SRGAP1: variants seen among roughly 807,000 people sequenced by gnomAD.
SRGAP1 encodes SLIT-ROBO Rho GTPase activating protein 1.
A neutral mutation model predicts 121.9 loss-of-function variants in SRGAP1; 43 were observed. The ratio of observed to expected loss-of-function variants is 0.35; its 90% confidence interval spans 0.28 to 0.46. The LOEUF (loss-of-function observed/expected upper bound fraction) is 0.46, where lower values mean the gene tolerates loss of function less well. SRGAP1 is among the 20% of genes least tolerant of loss of function. The probability of loss-of-function intolerance (pLI) is 1.00; values close to 1 mark genes in which losing one functional copy is unlikely to be tolerated. For synonymous variants in SRGAP1, 447 were observed against 485.4 expected (o/e 0.92, Z 1.04); for missense variants, 1,102 against 1,350.9 (o/e 0.82, Z 2.89).
At chr12:63,998,464 G>A (rs140437613) in intron 3 of SRGAP1, among the ~76,000 whole-genome samples, 1 of 152,230 alleles carries the variant, frequency 6.6e-6, no homozygotes, top group East Asian at 1.9e-4. Context: ...CATCACTGGA[G>A]CATCTTCTCT....
chr12:64,128,481 GA>G (rs2036735871), intron 21 of SRGAP1, among the ~76,000 whole-genome samples: 1 of 152,116 alleles, frequency 6.6e-6, no homozygotes, highest in Non-Finnish European at 1.5e-5. Flanking sequence ...TGAATAGCCA[GA>G]AAAACTTTGA....
intron 4 of SRGAP1, among the ~76,000 whole-genome samples, chr12:64,025,064 C>T (rs896904837): frequency 9.9e-5 from 15 of 151,248 alleles, no homozygotes; most frequent in African/African-American, 1.2e-4. Flanking sequence ...TTCACAGGAG[C>T]GGTTTAAAAA....
At chr12:63,952,506 CCTGT>C (rs1330126089) in intron 1 of SRGAP1, among the ~76,000 whole-genome samples, 2 of 151,804 alleles carry the variant, frequency 1.3e-5, no homozygotes, top group Non-Finnish European at 2.9e-5. Flanking sequence ...TAGAGTAAGA[CCTGT>C]CTCTTAAAAA....
chr12:64,158,132 G>C lies in SRGAP1; in HGVS notation c.*15460G>C, dbSNP rs1469587474. On this transcript the variant is annotated 3_prime_UTR_variant, in exon 22 of 22. Transcript: ENST00000355086. ...TATAATCCCCACAATTTGGGAGGCT[G>C]AGGCAAGAGGATTGCTTGAGCCCAG... 1 of 152,252 alleles carries C rather than the reference G, an allele frequency of 6.6e-6. No individual in the cohort carries two copies. Among genetic ancestry groups the C allele is most frequent in the South Asian group, 2.1e-4 (1 of 4,836 alleles). The allele number at this position is 152,252 out of a possible 1,614,324, so 9.4% of individuals were successfully genotyped here.
At chr12:64,050,571 G>A (rs748393286) in intron 6 of SRGAP1, among the ~76,000 whole-genome samples, 1 of 151,976 alleles carries the variant, frequency 6.6e-6, no homozygotes, top group Non-Finnish European at 1.5e-5. Flanking sequence ...GTAGATTTTT[G>A]TCTTATCTAA....
At chr12:63,880,939 C>T (rs773010028) in intron 1 of SRGAP1, among the ~76,000 whole-genome samples, 5 of 152,156 alleles carry the variant, frequency 3.3e-5, no homozygotes, top group Non-Finnish European at 7.3e-5. Flanking sequence ...TCTGCACACT[C>T]TTCACTTTGC....
intron 6 of SRGAP1, among the ~76,000 whole-genome samples, chr12:64,050,448 C>T (rs11175241): frequency 6.9e-5 from 1 of 14,422 alleles, no homozygotes; most frequent in Non-Finnish European, 1.3e-4. Context: ...TAGACTTTCT[C>T]TATGTCCCTA....
intron 1 of SRGAP1, among the ~76,000 whole-genome samples, chr12:63,938,543 C>T (rs935138903): frequency 6.6e-6 from 1 of 152,136 alleles, no homozygotes; most frequent in Non-Finnish European, 1.5e-5. Flanking sequence ...AGTTGATTGC[C>T]TTCCCTGTTC....
rs1263395600 is a variant in SRGAP1 at position 64,124,237 on chromosome 12, A to G, written c.2225-1740A>G. 2.0e-5 allele frequency among the ~76,000 whole-genome samples: 3 copies of G among 152,216 alleles called. No homozygotes were observed. In the South Asian group the frequency reaches 6.2e-4, roughly 32 times the overall value. ...CAGAGAATTTTGAATATATCAAATG[A>G]GAAAGAAGCCCAGCTGTCTGTCCAA... On this transcript the variant is annotated intron_variant, in intron 18 of 21. Transcript: ENST00000355086.
intron 6 of SRGAP1, among the ~76,000 whole-genome samples, chr12:64,061,910 A>G (rs1340122646): frequency 6.6e-6 from 1 of 152,196 alleles, no homozygotes. Flanking sequence ...TGATATGGCT[A>G]TACCATATTT....
chr12:63,985,289 C>T (rs1222791827), intron 2 of SRGAP1, among the ~76,000 whole-genome samples: 4 of 152,122 alleles, frequency 2.6e-5, no homozygotes, highest in Admixed American at 2.0e-4. Flanking sequence ...GAATGTACCA[C>T]GCCTGGCTAA....
chr12:63,849,592 G>C (rs1410012476), intron 1 of SRGAP1, among the ~76,000 whole-genome samples: 1 of 152,184 alleles, frequency 6.6e-6, no homozygotes, highest in East Asian at 1.9e-4. Context: ...GTAGCAGATG[G>C]AACATGAGGA....
chr12:64,132,146 C>T (rs2036794778), intron 21 of SRGAP1, among the ~76,000 whole-genome samples: 2 of 152,308 alleles, frequency 1.3e-5, no homozygotes, highest in South Asian at 4.1e-4. Flanking sequence ...TGCACTCCAG[C>T]CTGGGTGACA....
At chr12:63,891,381 C>T (rs548545960) in intron 1 of SRGAP1, among the ~76,000 whole-genome samples, 1 of 152,342 alleles carries the variant, frequency 6.6e-6, no homozygotes, top group African/African-American at 2.4e-5. Flanking sequence ...CATCTCCACA[C>T]CATGCATTCA....
chr12:64,043,742 T>C (rs1030577180), intron 6 of SRGAP1, 167 bp downstream of exon 6: 14 of 498,594 alleles, frequency 2.8e-5, no homozygotes, highest in African/African-American at 2.4e-4. Flanking sequence ...GACACTATCA[T>C]CTGTAAGATG....
At chr12:63,942,365 A>AAGTTT (rs1407655056) in intron 1 of SRGAP1, among the ~76,000 whole-genome samples, 1 of 152,266 alleles carries the variant, frequency 6.6e-6, no homozygotes, top group Non-Finnish European at 1.5e-5. Flanking sequence ...CAATATGTCT[A>AAGTTT]AGTGAATGAT....
At chr12:64,074,294 C>A (rs1425871327) in intron 8 of SRGAP1, among the ~76,000 whole-genome samples, 1 of 152,194 alleles carries the variant, frequency 6.6e-6, no homozygotes, top group African/African-American at 2.4e-5. Flanking sequence ...TTCATCAACT[C>A]AGGGATCTTT....
intron 4 of SRGAP1, among the ~76,000 whole-genome samples, chr12:64,028,420 C>G (rs887824070): frequency 2.0e-5 from 3 of 152,228 alleles, no homozygotes; most frequent in African/African-American, 7.2e-5. Flanking sequence ...CTCGGCTCCC[C>G]GGCCTCTCAG....
At chr12:63,985,097 G>A (rs2033379374) in intron 2 of SRGAP1, among the ~76,000 whole-genome samples, 1 of 152,074 alleles carries the variant, frequency 6.6e-6, no homozygotes, top group Non-Finnish European at 1.5e-5. Context: ...GCTCCAACAG[G>A]GGAAGGCGGG....
Sources: gnomAD v4.1 joint callset for allele counts (sites outside exome capture counted in the v4.1 genomes callset) on GRCh38, gnomAD v4.1.1 for gene constraint, MANE v1.5 for transcripts, NCBI Gene and HGNC (gene_info 2026-07-23, HGNC 2026-07-21) for gene names.